The following DPP6 variants were observed in gnomAD, a reference collection of about 807,000 sequenced individuals.
DPP6 encodes the protein A-type potassium channel modulatory protein DPP6.
In DPP6, 69 loss-of-function variants were observed where a neutral mutation model predicts 122.6. The ratio of observed to expected loss-of-function variants is 0.56; its 90% CI spans 0.46 to 0.69. The LOEUF is 0.69. Ranked by LOEUF, DPP6 falls within the 30% of genes least tolerant of loss-of-function variation. The pLI, the probability that DPP6 is intolerant of heterozygous loss-of-function variation, is 0.00. For synonymous variants in DPP6, 418 were observed against 433.1 expected, an observed-to-expected ratio of 0.97 and a Z score of 0.43; for missense variants, 928 against 1,116.9, an observed-to-expected ratio of 0.83 and a Z score of 2.41.
At chr7:154,349,198 C>T (rs1174294645) in intron 1 of DPP6, among the ~76,000 whole-genome samples, 9 of 152,126 alleles carry the variant, frequency 5.9e-5, no homozygotes, top group Admixed American at 1.3e-4. Flanking sequence ...TTTTTTGAGA[C>T]GGAGTCTCGC....
At chr7:154,238,460 G>A (rs573366866) in intron 1 of DPP6, among the ~76,000 whole-genome samples, 44 of 152,282 alleles carry the variant, frequency 2.9e-4, no homozygotes, top group Admixed American at 9.1e-4. Flanking sequence ...ACTGGCTAGC[G>A]TGGATTAAGA....
chr7:154,504,238 A>T (rs1434765388), intron 3 of DPP6, among the ~76,000 whole-genome samples: 1 of 152,160 alleles, frequency 6.6e-6, no homozygotes, highest in Admixed American at 6.5e-5. Flanking sequence ...CGAGGCTGGC[A>T]TTTAAAGAGA....
chr7:153,814,383 A>T, the DPP6 span, among the ~76,000 whole-genome samples: 1 of 74,474 alleles, frequency 1.3e-5, no homozygotes, highest in African/African-American at 9.9e-5. Flanking sequence ...CTCAACACAT[A>T]CACCCTCCCA....
intron 5 of DPP6, among the ~76,000 whole-genome samples, chr7:154,608,342 T>TATATATATATATATATATATATATATAC: frequency 7.8e-6 from 1 of 127,426 alleles, no homozygotes; most frequent in Admixed American, 8.3e-5. Flanking sequence ...TATATATATA[T>TATATATATATATATATATATATATATAC]TTTGAGATGG....
At chr7:154,400,780 A>G (rs890682942) in intron 1 of DPP6, among the ~76,000 whole-genome samples, 2 of 152,226 alleles carry the variant, frequency 1.3e-5, no homozygotes, top group East Asian at 1.9e-4. Context: ...TCATTGTATG[A>G]CATTTTATTA....
At chr7:154,565,106 C>T (rs550198668) in intron 4 of DPP6, among the ~76,000 whole-genome samples, 1 of 152,224 alleles carries the variant, frequency 6.6e-6, no homozygotes, top group East Asian at 1.9e-4. Flanking sequence ...GGGTTGTTGG[C>T]CATGAGTCCA....
chr7:154,062,891 C>G lies in DPP6; in HGVS notation c.243+9828C>G, dbSNP rs563558771. ...CAGCTTAGGACCCCCATCGTTGATC[C>G]TAAGATCCTTAGGACCCACCTGGAG... On this transcript the variant is annotated intron_variant, in intron 1 of 25. Coordinates refer to ENST00000377770, the MANE Select transcript of DPP6 (RefSeq NM_130797.4). Among the ~76,000 whole-genome samples, 3 of 132,856 alleles carry G rather than the reference C, an allele frequency of 2.3e-5. 1 individual carries two copies. In the South Asian group the frequency reaches 8.2e-4, roughly 36 times the overall value. The allele number at this position is 132,856 out of a possible 152,430, so 87.2% of individuals were successfully genotyped here. A position where few individuals can be genotyped will look rare whatever the true frequency, so the allele number is the denominator to read the frequency against.
intron 1 of DPP6, among the ~76,000 whole-genome samples, chr7:154,217,352 C>A (rs1315088125): frequency 6.6e-6 from 1 of 152,210 alleles, no homozygotes; most frequent in East Asian, 1.9e-4. Context: ...TGCATGGAAG[C>A]ACAAATCATT....
intron 1 of DPP6, among the ~76,000 whole-genome samples, chr7:153,967,082 A>AACAC (rs1425027878): frequency 2.1e-5 from 3 of 144,504 alleles, no homozygotes; most frequent in Admixed American, 6.8e-5. Flanking sequence ...CAAACAAACA[A>AACAC]ACACAAAAGA....
intron 1 of DPP6, among the ~76,000 whole-genome samples, chr7:153,897,781 T>C (rs1019175382): frequency 6.6e-6 from 1 of 152,244 alleles, no homozygotes; most frequent in Non-Finnish European, 1.5e-5. Flanking sequence ...TTGTTGTTGA[T>C]TTGATAGTCT....
intron 1 of DPP6, among the ~76,000 whole-genome samples, chr7:154,314,130 G>A (rs576575887): frequency 2.9e-4 from 44 of 152,248 alleles, no homozygotes; most frequent in African/African-American, 1.1e-3. Context: ...TGGGAGAATT[G>A]CTGTGCTTTG....
At chr7:154,253,246 GGTT>G (rs1802462612) in intron 1 of DPP6, among the ~76,000 whole-genome samples, 1 of 152,228 alleles carries the variant, frequency 6.6e-6, no homozygotes, top group African/African-American at 2.4e-5. Context: ...CCCTTAGAGA[GGTT>G]GTTGGTGAGT....
At chr7:154,567,902 T>G (rs1337525524) in intron 5 of DPP6, among the ~76,000 whole-genome samples, 1 of 152,238 alleles carries the variant, frequency 6.6e-6, no homozygotes, top group Non-Finnish European at 1.5e-5. Flanking sequence ...TAAACTTTCT[T>G]TTAGAAGTTG....
intron 1 of DPP6, among the ~76,000 whole-genome samples, chr7:154,331,408 G>C (rs941799933): frequency 6.6e-6 from 1 of 152,180 alleles, no homozygotes; most frequent in African/African-American, 2.4e-5. Flanking sequence ...ATAGACGGGG[G>C]GATAACTGGT....
intron 18 of DPP6, among the ~76,000 whole-genome samples, chr7:154,872,289 C>A (rs1804463429): frequency 6.8e-6 from 1 of 146,326 alleles, no homozygotes; most frequent in African/African-American, 2.8e-5. Flanking sequence ...CGCAGGCAGC[C>A]CTCCTGCTCT....
the DPP6 span, among the ~76,000 whole-genome samples, chr7:153,780,170 T>C: frequency 7.2e-5 from 11 of 152,068 alleles, no homozygotes; most frequent in African/African-American, 2.7e-4. Flanking sequence ...AAGCTGAGAA[T>C]CAAAAAAAGA....
chr7:154,070,373 G>T (rs1232544278), intron 1 of DPP6, among the ~76,000 whole-genome samples: 1 of 151,886 alleles, frequency 6.6e-6, no homozygotes, highest in Admixed American at 6.6e-5. Flanking sequence ...TTTAAAAAGT[G>T]AGACAAATAA....
At chr7:153,906,639 A>G (rs1017357216) in intron 1 of DPP6, among the ~76,000 whole-genome samples, 1 of 152,044 alleles carries the variant, frequency 6.6e-6, no homozygotes, top group Non-Finnish European at 1.5e-5. Flanking sequence ...TTTTGTAGAG[A>G]CAGGGTTTCT....
the DPP6 span, among the ~76,000 whole-genome samples, chr7:153,786,317 G>A: frequency 1.3e-5 from 2 of 148,764 alleles, no homozygotes; most frequent in East Asian, 3.9e-4. Context: ...AAGTAAATGA[G>A]GGATTGCATA....
Sources: allele counts gnomAD v4.1 joint callset (sites outside exome capture counted in the v4.1 genomes callset), GRCh38; gene constraint gnomAD v4.1.1; transcripts MANE v1.5; gene names NCBI Gene and HGNC (gene_info 2026-07-23, HGNC 2026-07-21).